Variants in ADGRV1 observed in about 807,000 individuals in gnomAD.
ADGRV1 encodes adhesion G protein-coupled receptor V1.
Under a neutral mutation model 596.2 loss-of-function variants are expected in ADGRV1, and 359 were observed. The ratio of observed to expected loss-of-function variants is 0.60; its 90% CI spans 0.55 to 0.66. The LOEUF is 0.66. Ranked by LOEUF, ADGRV1 falls within the 30% of genes least tolerant of loss-of-function variation. The pLI is 0.00. For synonymous variants in ADGRV1, 2,681 were observed against 2,679.2 expected (o/e 1.00, Z -0.02); for missense variants, 7,274 against 7,575.6 (o/e 0.96, Z 1.48).
chr5:90,726,601 T>C (rs1751815494), intron 48 of ADGRV1, among the ~76,000 whole-genome samples: 1 of 152,000 alleles, frequency 6.6e-6, no homozygotes, highest in African/African-American at 2.4e-5. Flanking sequence ...AAATCTTACC[T>C]TGCTTTCTAA....
chr5:90,804,444 A>G (rs1335803365), intron 71 of ADGRV1, among the ~76,000 whole-genome samples: 2 of 152,074 alleles, frequency 1.3e-5, no homozygotes, highest in African/African-American at 4.8e-5. Flanking sequence ...ACTGTAACAG[A>G]GAATCTAGGC....
chr5:90,822,291 ACCCACTGACCTGCG>A (rs1422283396), intron 75 of ADGRV1: 38 of 153,542 alleles, frequency 2.5e-4, no homozygotes, highest in Non-Finnish European at 1.4e-5. Context: ...CGGTGCACAC[ACCCACTGACCTGCG>A]CCCACTGTCT....
At chr5:90,594,413 C>G (rs1328588978) in intron 1 of ADGRV1, among the ~76,000 whole-genome samples, 1 of 151,934 alleles carries the variant, frequency 6.6e-6, no homozygotes, top group Non-Finnish European at 1.5e-5. Flanking sequence ...TTTCCTGAGG[C>G]CTCCCCAGCC....
At position 90,703,648 on chromosome 5, in the gene ADGRV1, A is replaced by T. The variant is rs1443308997; in HGVS notation, c.8156-17A>T. On this transcript the variant is annotated splice_polypyrimidine_tract_variant and intron_variant, in intron 34 of 89. Coordinates refer to ENST00000405460, the MANE Select transcript of ADGRV1 (RefSeq NM_032119.4). ...TTTTCCATTAAGTATTTATCAATTT[A>T]CACATTTTACTTGCAGGAGAAATTT... 6 of 1,568,740 alleles carry T rather than the reference A, an allele frequency of 3.8e-6. No individual in the cohort carries two copies. Among genetic ancestry groups the T allele is most frequent in the Admixed American group, 3.5e-5 (2 of 56,920 alleles).
At chr5:90,670,787 C>T (rs993869561) in intron 21 of ADGRV1, among the ~76,000 whole-genome samples, 5 of 152,118 alleles carry the variant, frequency 3.3e-5, no homozygotes, top group African/African-American at 1.2e-4. Context: ...TACACTGATC[C>T]CAACCAGACT....
intron 70 of ADGRV1, among the ~76,000 whole-genome samples, chr5:90,797,149 A>G (rs1163509364): frequency 6.6e-6 from 1 of 152,158 alleles, no homozygotes; most frequent in Non-Finnish European, 1.5e-5. Context: ...AATGGGCTAA[A>G]TGTCCCAATT....
intron 75 of ADGRV1, 104 bp from the exon 76 acceptor site, chr5:90,823,320 AT>A: frequency 8.6e-7 from 1 of 1,165,050 alleles, no homozygotes. Flanking sequence ...AAGAGGTACC[AT>A]TTGGTATACT....
intron 76 of ADGRV1, among the ~76,000 whole-genome samples, chr5:90,824,666 G>A (rs1036264049): frequency 1.3e-5 from 2 of 152,072 alleles, no homozygotes; most frequent in Non-Finnish European, 2.9e-5. Flanking sequence ...CTCACTTCAC[G>A]TCCTCAATAG....
At chr5:90,613,486 T>A (rs907035051) in intron 1 of ADGRV1, among the ~76,000 whole-genome samples, 3 of 152,116 alleles carry the variant, frequency 2.0e-5, no homozygotes, top group African/African-American at 7.2e-5. Context: ...TCCATGAACA[T>A]TCCTGGGTTG....
chr5:90,974,384 A>G (rs1392019197), intron 84 of ADGRV1, among the ~76,000 whole-genome samples: 1 of 152,222 alleles, frequency 6.6e-6, no homozygotes, highest in Non-Finnish European at 1.5e-5. Flanking sequence ...AAGAGCCTGC[A>G]CTGCCAAGAC....
intron 59 of ADGRV1, among the ~76,000 whole-genome samples, chr5:90,769,552 T>C (rs918137303): frequency 1.1e-4 from 16 of 152,242 alleles, no homozygotes; most frequent in Non-Finnish European, 1.5e-4. Flanking sequence ...CCTTTTCCTC[T>C]GCATTCTAAA....
chr5:91,101,785 G>A (rs1312404219), intron 86 of ADGRV1, among the ~76,000 whole-genome samples: 4 of 150,950 alleles, frequency 2.6e-5, no homozygotes, highest in Non-Finnish European at 4.4e-5. Context: ...ACACACGTGC[G>A]CATGCACACA....
In ADGRV1 at chr5:90,840,565, G is replaced by A. The variant is rs1048934523; in HGVS notation, c.16612-13G>A. 6.4e-7 allele frequency: 1 copy of A among 1,571,204 alleles called. No individual in the cohort carries two copies. The highest frequency in any genetic ancestry group is 1.4e-5 in the African/African-American group (1 of 73,514). On this transcript the variant is annotated splice_polypyrimidine_tract_variant and intron_variant, in intron 77 of 89. Transcript: ENST00000405460. ...GTCATAGATTCACTTAAATGGTGTT[G>A]TTTAATTTCTAGGAGTTGAGGAGTG...
chr5:90,928,976 G>T (rs1396259299), intron 83 of ADGRV1, among the ~76,000 whole-genome samples: 21 of 149,024 alleles, frequency 1.4e-4, no homozygotes, highest in African/African-American at 5.0e-4. Flanking sequence ...ACTTGAGGAG[G>T]CAGTCTGCCC....
chr5:90,705,747 A>G (rs1285013918), intron 37 of ADGRV1, among the ~76,000 whole-genome samples, 168 bp downstream of exon 37: 6 of 152,256 alleles, frequency 3.9e-5, no homozygotes, highest in African/African-American at 1.4e-4. Flanking sequence ...GATTAAAGGA[A>G]TTATCTGTTT....
intron 28 of ADGRV1, among the ~76,000 whole-genome samples, chr5:90,684,805 C>T (rs1745397226): frequency 6.6e-6 from 1 of 152,146 alleles, no homozygotes; most frequent in Admixed American, 6.5e-5. Flanking sequence ...AGAACACAAA[C>T]CTTCAGACCA....
At chr5:91,058,363 T>G (rs2151336174) in intron 85 of ADGRV1, among the ~76,000 whole-genome samples, 1 of 152,224 alleles carries the variant, frequency 6.6e-6, no homozygotes, top group South Asian at 2.1e-4. Flanking sequence ...TGCATTCCAA[T>G]AGTCAACACT....
At chr5:91,108,061 G>A (rs570287686) in intron 87 of ADGRV1, among the ~76,000 whole-genome samples, 1 of 152,284 alleles carries the variant, frequency 6.6e-6, no homozygotes, top group South Asian at 2.1e-4. Flanking sequence ...ATGATTATTT[G>A]TACTACTGTT....
intron 50 of ADGRV1, among the ~76,000 whole-genome samples, chr5:90,735,832 C>T (rs1221642960): frequency 3.3e-5 from 5 of 151,784 alleles, no homozygotes; most frequent in Non-Finnish European, 7.4e-5. Context: ...TTGTATCCTA[C>T]GACTTTACTG....
Sources: allele counts gnomAD v4.1 joint callset (sites outside exome capture counted in the v4.1 genomes callset), GRCh38; gene constraint gnomAD v4.1.1; transcripts MANE v1.5; gene names NCBI Gene and HGNC (gene_info 2026-07-23, HGNC 2026-07-21).